Variants in TASP1 observed in about 807,000 individuals in gnomAD.
TASP1 encodes taspase 1, also known as threonine aspartase 1.
Under a neutral mutation model 56.6 loss-of-function variants are expected in TASP1, and 16 were observed. That is an observed-to-expected ratio of 0.28 (90% confidence interval 0.19 to 0.43). The LOEUF (loss-of-function observed/expected upper bound fraction) is 0.43, where lower values mean the gene tolerates loss of function less well. Among genes scored for constraint, TASP1 ranks in the 20% least tolerant of loss-of-function variants. The probability of loss-of-function intolerance (pLI) is 1.00; values close to 1 mark genes in which losing one functional copy is unlikely to be tolerated. For synonymous variants in TASP1, 179 were observed against 184.2 expected (o/e 0.97, Z 0.23); for missense variants, 393 against 511.6 (o/e 0.77, Z 2.24).
At chr20:13,211,543 C>A in the TASP1 span, among the ~76,000 whole-genome samples, 1 of 152,136 alleles carries the variant, frequency 6.6e-6, no homozygotes, top group Non-Finnish European at 1.5e-5. Context: ...TCAATTCACT[C>A]AGTACTTCTG....
At chr20:13,580,875 T>C in intron 6 of TASP1, 22 bp downstream of exon 6, 1 of 1,612,486 alleles carries the variant, frequency 6.2e-7, no homozygotes, top group Non-Finnish European at 8.5e-7. Context: ...ACAGGGAAAG[T>C]CAGGAAGAAC....
chr20:13,606,316 T>C (rs149616686), intron 4 of TASP1, among the ~76,000 whole-genome samples: 1 of 152,210 alleles, frequency 6.6e-6, no homozygotes, highest in African/African-American at 2.4e-5. Flanking sequence ...ATTTCATTCA[T>C]GTCTCTGTTC....
chr20:13,279,811 G>A, the TASP1 span: 20 of 1,613,908 alleles, frequency 1.2e-5, no homozygotes, highest in Admixed American at 1.0e-4. Flanking sequence ...TACCTCAGAC[G>A]ACAGCAACTT....
intron 8 of TASP1, among the ~76,000 whole-genome samples, chr20:13,552,270 C>G (rs1016937738): frequency 1.3e-5 from 2 of 152,212 alleles, no homozygotes; most frequent in Middle Eastern, 3.4e-3. Context: ...GATCAGTGAC[C>G]AATCATGACA....
At chr20:13,174,826 A>G in the TASP1 span, among the ~76,000 whole-genome samples, 1 of 152,156 alleles carries the variant, frequency 6.6e-6, no homozygotes, top group Non-Finnish European at 1.5e-5. Flanking sequence ...CCCTACCCAA[A>G]TATCACCTTA....
the TASP1 span, among the ~76,000 whole-genome samples, chr20:13,125,951 C>A: frequency 6.6e-6 from 1 of 152,198 alleles, no homozygotes; most frequent in Admixed American, 6.5e-5. Context: ...GTAAACACTG[C>A]TATACATGCC....
the TASP1 span, among the ~76,000 whole-genome samples, chr20:13,187,667 G>C: frequency 0.18 from 24,717 of 137,754 alleles, 2,409 homozygotes; most frequent in Middle Eastern, 0.24. Context: ...AGAATCACTT[G>C]AACCTGGGAG....
intron 5 of TASP1, 50 bp downstream of exon 5, chr20:13,587,200 T>C (rs1445411256): frequency 6.4e-7 from 1 of 1,558,896 alleles, no homozygotes; most frequent in South Asian, 1.2e-5. Flanking sequence ...AGGCATGAAA[T>C]GGTCACGTGC....
At chr20:13,327,053 C>A in the TASP1 span, among the ~76,000 whole-genome samples, 1 of 152,128 alleles carries the variant, frequency 6.6e-6, no homozygotes, top group African/African-American at 2.4e-5. Context: ...GATCCTATAT[C>A]TAGAAAACCC....
chr20:13,173,571 C>T, the TASP1 span, among the ~76,000 whole-genome samples: 2 of 152,142 alleles, frequency 1.3e-5, no homozygotes, highest in Non-Finnish European at 2.9e-5. Context: ...GAGGAGGGGG[C>T]GTTACAGCAG....
intron 10 of TASP1, among the ~76,000 whole-genome samples, chr20:13,502,110 CAAAT>C (rs564120196): frequency 4.6e-4 from 70 of 151,668 alleles, no homozygotes; most frequent in African/African-American, 1.5e-3. Flanking sequence ...TATAAATGAG[CAAAT>C]AAATAAATAG....
chr20:13,303,224 C>G, the TASP1 span, among the ~76,000 whole-genome samples: 5 of 152,336 alleles, frequency 3.3e-5, no homozygotes, highest in East Asian at 7.7e-4. Flanking sequence ...CTGTGCTCTC[C>G]TCTCCTCCTA....
chr20:13,403,501 C>T (rs182406973), intron 13 of TASP1, among the ~76,000 whole-genome samples: 2 of 152,242 alleles, frequency 1.3e-5, no homozygotes, highest in African/African-American at 4.8e-5. Flanking sequence ...CTATTACATG[C>T]ACTTCATTTT....
intron 12 of TASP1, among the ~76,000 whole-genome samples, chr20:13,433,238 G>A (rs903158665): frequency 6.6e-6 from 1 of 152,034 alleles, no homozygotes; most frequent in African/African-American, 2.4e-5. Context: ...TTGGTTTTCT[G>A]TTCCTGTGTT....
chr20:13,517,462 A>T (rs924690330), intron 10 of TASP1, among the ~76,000 whole-genome samples: 10 of 152,294 alleles, frequency 6.6e-5, no homozygotes, highest in African/African-American at 2.4e-4. Flanking sequence ...AAATGAACAA[A>T]GTACAATACA....
chr20:13,433,661 T>A (rs1326974252), intron 12 of TASP1, among the ~76,000 whole-genome samples: 1 of 151,874 alleles, frequency 6.6e-6, no homozygotes, highest in Non-Finnish European at 1.5e-5. Flanking sequence ...AGAAAAAGTA[T>A]TTTTTATACC....
intron 4 of TASP1, among the ~76,000 whole-genome samples, chr20:13,612,491 AACACACACACACACAC>A (rs34343791): frequency 2.1e-5 from 3 of 143,994 alleles, no homozygotes; most frequent in Admixed American, 7.0e-5. Flanking sequence ...ATTTGTAGCA[AACACACACACACACAC>A]ACACACACAC....
intron 13 of TASP1, among the ~76,000 whole-genome samples, chr20:13,394,619 A>G (rs1443035008): frequency 6.6e-6 from 1 of 152,008 alleles, no homozygotes. Flanking sequence ...CTCAAAAAAA[A>G]AAGAAACTTT....
At chr20:13,447,901 AT>A (rs1384207972) in intron 11 of TASP1, among the ~76,000 whole-genome samples, 2 of 151,968 alleles carry the variant, frequency 1.3e-5, no homozygotes, top group African/African-American at 4.8e-5. Flanking sequence ...TGTTGCAAAT[AT>A]TTTTCCCCAG....
Sources: gnomAD v4.1 joint callset for allele counts (sites outside exome capture counted in the v4.1 genomes callset) on GRCh38, gnomAD v4.1.1 for gene constraint, MANE v1.5 for transcripts, NCBI Gene and HGNC (gene_info 2026-07-23, HGNC 2026-07-21) for gene names.